The following POFUT3 variants were observed in gnomAD, a reference collection of about 807,000 sequenced individuals.
The protein encoded by POFUT3 is protein O-fucosyltransferase 3.
the POFUT3 span, chr8:33,389,339 G>A: frequency 6.2e-7 from 1 of 1,614,002 alleles, no homozygotes; most frequent in Admixed American, 1.7e-5. Context: ...ATTCTCAAAA[G>A]CTAGGATAAA....
At chr8:33,385,621 C>T in the POFUT3 span, among the ~76,000 whole-genome samples, 1 of 152,132 alleles carries the variant, frequency 6.6e-6, no homozygotes, top group African/African-American at 2.4e-5. Flanking sequence ...GTGGCTCACA[C>T]CTGTAATCCT....
the POFUT3 span, among the ~76,000 whole-genome samples, chr8:33,393,310 T>C: frequency 5.9e-5 from 9 of 152,378 alleles, no homozygotes; most frequent in East Asian, 1.4e-3. Context: ...ATTCAAACTT[T>C]CATTCCTCTG....
the POFUT3 span, among the ~76,000 whole-genome samples, chr8:33,412,613 T>C: frequency 2.0e-5 from 3 of 152,202 alleles, no homozygotes; most frequent in Non-Finnish European, 2.9e-5. Flanking sequence ...ATCTCTGCTT[T>C]GCCATCTTTG....
the POFUT3 span, among the ~76,000 whole-genome samples, chr8:33,359,005 A>C: frequency 4.8e-4 from 73 of 152,270 alleles, 2 homozygotes; most frequent in East Asian, 2.5e-3. Flanking sequence ...ATGGAAAATA[A>C]GTTTCTTTTC....
At chr8:33,339,176 TA>T in the POFUT3 span, among the ~76,000 whole-genome samples, 2 of 151,904 alleles carry the variant, frequency 1.3e-5, no homozygotes, top group Non-Finnish European at 2.9e-5. Flanking sequence ...ATGCTTGAAA[TA>T]AGTGAAAAAA....
the POFUT3 span, chr8:33,389,196 A>T: frequency 6.2e-7 from 1 of 1,614,080 alleles, no homozygotes; most frequent in South Asian, 1.1e-5. Flanking sequence ...GGGTGAGAAA[A>T]TTCTGATACA....
chr8:33,334,558 G>A, the POFUT3 span, among the ~76,000 whole-genome samples: 7 of 152,128 alleles, frequency 4.6e-5, no homozygotes, highest in South Asian at 4.1e-4. Context: ...TCCGGGACAC[G>A]GTCTGAGATT....
the POFUT3 span, among the ~76,000 whole-genome samples, chr8:33,458,457 G>A: frequency 2.6e-5 from 4 of 152,162 alleles, no homozygotes; most frequent in Non-Finnish European, 5.9e-5. Context: ...GCTCACGCCT[G>A]TAATACCAAC....
the POFUT3 span, among the ~76,000 whole-genome samples, chr8:33,464,666 T>C: frequency 6.6e-6 from 1 of 152,110 alleles, no homozygotes; most frequent in South Asian, 2.1e-4. Flanking sequence ...TCTGTAGTCC[T>C]AGTCCTGGGA....
At chr8:33,372,665 T>C in the POFUT3 span, 26 of 1,613,974 alleles carry the variant, frequency 1.6e-5, no homozygotes, top group African/African-American at 4.0e-5. Context: ...GGCTTCTTTC[T>C]TGGATTGTTC....
chr8:33,435,272 C>T, the POFUT3 span, among the ~76,000 whole-genome samples: 1 of 150,316 alleles, frequency 6.7e-6, no homozygotes, highest in Non-Finnish European at 1.5e-5. Flanking sequence ...GGCTGGAGGG[C>T]AGTGGCGTGA....
the POFUT3 span, among the ~76,000 whole-genome samples, chr8:33,407,829 C>T: frequency 6.7e-6 from 1 of 148,222 alleles, no homozygotes; most frequent in South Asian, 2.2e-4. Context: ...ATGGTGAAAC[C>T]CTGTCTCTAC....
the POFUT3 span, among the ~76,000 whole-genome samples, chr8:33,329,583 C>T: frequency 2.0e-5 from 3 of 152,140 alleles, no homozygotes; most frequent in Non-Finnish European, 4.4e-5. Context: ...TTTCCCCATT[C>T]GTGACATAAT....
the POFUT3 span, among the ~76,000 whole-genome samples, chr8:33,469,176 C>A: frequency 6.9e-4 from 105 of 152,006 alleles, no homozygotes; most frequent in African/African-American, 2.4e-3. Context: ...TGTGGTGGTG[C>A]GTGCCTATAG....
chr8:33,386,188 CAAAAAA>C, the POFUT3 span, among the ~76,000 whole-genome samples: 1,544 of 32,008 alleles, frequency 0.048, 39 homozygotes, highest in African/African-American at 0.11. Context: ...GGCTCCATCT[CAAAAAA>C]AAAAAAAAAA....
chr8:33,461,173 G>T, the POFUT3 span, among the ~76,000 whole-genome samples: 1 of 40,754 alleles, frequency 2.5e-5, no homozygotes. Context: ...GTACTGTGTC[G>T]GAAGGAAGGA....
chr8:33,354,178 C>T, the POFUT3 span, among the ~76,000 whole-genome samples: 1 of 152,058 alleles, frequency 6.6e-6, no homozygotes, highest in Non-Finnish European at 1.5e-5. Flanking sequence ...TTTGGAGAAC[C>T]ACATCATATT....
chr8:33,383,815 C>T, the POFUT3 span, among the ~76,000 whole-genome samples: 1 of 151,910 alleles, frequency 6.6e-6, no homozygotes, highest in Non-Finnish European at 1.5e-5. Flanking sequence ...ACTGCCCCCT[C>T]AGACAGGATA....
At chr8:33,322,997 G>A in the POFUT3 span, among the ~76,000 whole-genome samples, 23 of 151,646 alleles carry the variant, frequency 1.5e-4, no homozygotes, top group Non-Finnish European at 8.8e-5. Context: ...TATCTTAGTC[G>A]TGAGGATGCC....
Sources: gnomAD v4.1 joint callset for allele counts (sites outside exome capture counted in the v4.1 genomes callset) on GRCh38, gnomAD v4.1.1 for gene constraint, MANE v1.5 for transcripts, NCBI Gene and HGNC (gene_info 2026-07-23, HGNC 2026-07-21) for gene names.